Variants in PCDHGB5 observed in about 807,000 individuals in gnomAD.
PCDHGB5 encodes the protein protocadherin gamma-B5.
Under a neutral mutation model 62.9 loss-of-function variants are expected in PCDHGB5, and 48 were observed. The observed-to-expected ratio is 0.76, with a 90% confidence interval of 0.61 to 0.97. The LOEUF (loss-of-function observed/expected upper bound fraction) is 0.97, where lower values mean the gene tolerates loss of function less well. PCDHGB5 is among the 50% of genes least tolerant of loss of function. The pLI is 0.00. For synonymous variants in PCDHGB5, 474 were observed against 511.2 expected, an observed-to-expected ratio of 0.93 and a Z score of 0.98; for missense variants, 1,118 against 1,198.6, an observed-to-expected ratio of 0.93 and a Z score of 0.99.
At position 141,485,222 on chromosome 5, in the gene PCDHGB5, C is replaced by T; in HGVS notation, c.2398-9585C>T. On this transcript the variant is annotated intron_variant, in intron 1 of 3. Transcript: ENST00000617380. The surrounding 1 kb of genome is among the most constrained non-coding windows in gnomAD (Gnocchi z 5.7). The stretch of plus-strand genomic sequence containing the variant: ...GACAGAAATCTGGCGGTGGGCTACC[C>T]TTTTGTTCCTCTTTTACCACCTGGG... 4 of 1,614,196 alleles carry T rather than the reference C, an allele frequency of 2.5e-6. No homozygotes were observed. Among genetic ancestry groups the T allele is most frequent in the Non-Finnish European group, 2.5e-6 (3 of 1,180,020 alleles).
At chr5:141,416,530 G>A (rs976560428) in intron 1 of PCDHGB5, 2 of 152,160 alleles carry the variant, frequency 1.3e-5, no homozygotes, top group Non-Finnish European at 2.9e-5. Flanking sequence ...GCTCTTTAAT[G>A]TATAAGGAGG....
chr5:141,510,194 G>A (rs920127442), intron 3 of PCDHGB5, among the ~76,000 whole-genome samples: 1 of 151,462 alleles, frequency 6.6e-6, no homozygotes, highest in Non-Finnish European at 1.5e-5. Context: ...AATCACTTGA[G>A]CCCAGGAGGC....
intron 1 of PCDHGB5, chr5:141,430,556 C>A (rs1479639096): frequency 9.7e-6 from 4 of 413,394 alleles, no homozygotes; most frequent in African/African-American, 2.1e-5. Flanking sequence ...GTTCACCAAT[C>A]GGGGAGAGAA....
chr5:141,410,849 C>CTTTTTTTTCTTTTTT (rs2095433387), intron 1 of PCDHGB5: 1 of 129,786 alleles, frequency 7.7e-6, no homozygotes, highest in African/African-American at 6.0e-5. Context: ...TTGTCTTTGT[C>CTTTTTTTTCTTTTTT]TTTTTTTTTT....
intron 1 of PCDHGB5, among the ~76,000 whole-genome samples, chr5:141,461,968 C>A (rs2099027589): frequency 6.6e-6 from 1 of 152,204 alleles, no homozygotes; most frequent in African/African-American, 2.4e-5. Context: ...GGATTCCAGG[C>A]ATATGCCACC....
chr5:141,486,901 T>A lies in PCDHGB5; in HGVS notation c.2398-7906T>A. The A allele has an allele frequency of 6.2e-7, 1 of 1,614,238 alleles. No homozygotes were observed. Among genetic ancestry groups the A allele is most frequent in the Non-Finnish European group, 8.5e-7 (1 of 1,180,042 alleles). ...CTCGGGCCCGGCCTGGTTCCTTATG[T>A]CCCCAAGCACTGCCTCCATCAGTTG... On this transcript the variant is annotated intron_variant, in intron 1 of 3. Transcript: ENST00000617380. This position sits in a 1 kb window ranked among gnomAD's most constrained non-coding sequence, Gnocchi z 5.0.
intron 1 of PCDHGB5, chr5:141,422,633 G>A (rs769515606): frequency 1.9e-6 from 3 of 1,613,120 alleles, no homozygotes; most frequent in Non-Finnish European, 2.5e-6. Flanking sequence ...AACCCCAGGG[G>A]TGCCTCCATC....
intron 1 of PCDHGB5, chr5:141,426,867 G>A (rs1436078091): frequency 4.4e-6 from 2 of 456,708 alleles, no homozygotes; most frequent in Non-Finnish European, 8.8e-6. Flanking sequence ...ATTAGTGCTG[G>A]AGAAGCCCCT....
rs553860713 is a variant in PCDHGB5, at chr5:141,410,124, G to C, written c.2397+9600G>C. On this transcript the variant is annotated intron_variant, in intron 1 of 3. Coordinates refer to ENST00000617380, the MANE Select transcript of PCDHGB5 (RefSeq NM_018925.3). ...GGCGACAGGGACGCAGCCCGCCAGC[G>C]CCTGCTGGTCGCTGTGCGTGACGGT... is the stretch of plus-strand genomic sequence containing the variant. 1.2e-5 allele frequency: 20 copies of C among 1,612,726 alleles called. No homozygotes were observed. In the South Asian group the frequency reaches 2.2e-4, roughly 18 times the overall value.
chr5:141,403,302 A>G (rs1195717654), intron 1 of PCDHGB5: 1 of 1,613,904 alleles, frequency 6.2e-7, no homozygotes, highest in East Asian at 2.2e-5. Flanking sequence ...GTGAAACTGT[A>G]CGGAATAGAA....
chr5:141,419,465 G>T, intron 1 of PCDHGB5: 2 of 1,612,542 alleles, frequency 1.2e-6, no homozygotes, highest in Non-Finnish European at 1.7e-6. Context: ...GCAGGCCCGC[G>T]ACCAGGGCTC....
Position 141,410,674 on chromosome 5 carries a change from A to G in PCDHGB5, c.2397+10150A>G. 3.2e-6 allele frequency: 5 copies of G among 1,551,418 alleles called. No homozygotes were observed. In the South Asian group the frequency reaches 3.6e-5, roughly 11 times the overall value. On this transcript the variant is annotated intron_variant, in intron 1 of 3. Coordinates refer to ENST00000617380, the MANE Select transcript of PCDHGB5 (RefSeq NM_018925.3). ...ATCTAATAGTCTACTAGTTTCTCATATTTTAGGCATACTACTTTATTTTCA... is the reference window on the plus strand; with the variant it reads ...ATCTAATAGTCTACTAGTTTCTCATGTTTTAGGCATACTACTTTATTTTCA...
At chr5:141,467,344 C>A (rs2099142230) in intron 1 of PCDHGB5, among the ~76,000 whole-genome samples, 1 of 152,122 alleles carries the variant, frequency 6.6e-6, no homozygotes, top group South Asian at 2.1e-4. Flanking sequence ...TAAGCCACTG[C>A]CCCCGGCCAA....
At chr5:141,478,063 A>G in intron 1 of PCDHGB5, 1 of 1,614,168 alleles carries the variant, frequency 6.2e-7, no homozygotes, top group Non-Finnish European at 8.5e-7. Context: ...TCTTGATCAA[A>G]GACAATGGGG....
intron 1 of PCDHGB5, chr5:141,410,110 C>A (rs1361292941): frequency 6.2e-7 from 1 of 1,612,540 alleles, no homozygotes; most frequent in Admixed American, 1.7e-5. Flanking sequence ...GCGACAGGGA[C>A]GCAGCCCGCC....
chr5:141,428,320 T>C (rs2097132935), intron 1 of PCDHGB5: 2 of 650,176 alleles, frequency 3.1e-6, no homozygotes, highest in Admixed American at 2.2e-5. Context: ...GGCCTTGGCC[T>C]TGATTTCTAT....
At chr5:141,475,840 A>T in intron 1 of PCDHGB5, 1 of 434,888 alleles carries the variant, frequency 2.3e-6, no homozygotes, top group Non-Finnish European at 4.1e-6. Flanking sequence ...TGTCCTGCTC[A>T]GAGAGCCCGG....
intron 1 of PCDHGB5, among the ~76,000 whole-genome samples, chr5:141,460,418 G>C (rs905215023): frequency 3.3e-5 from 5 of 152,096 alleles, no homozygotes; most frequent in Admixed American, 6.5e-5. Flanking sequence ...TGATGTTTAT[G>C]TATGGTGTAT....
rs983317324 is a variant in PCDHGB5, at chr5:141,431,891, G to A, written c.2397+31367G>A. The stretch of plus-strand genomic sequence containing the variant: ...AAATGTAAATGACCAAGATTCTGAG[G>A]AAAACGGACAGGTGATCTGTTTCAT... On this transcript the variant is annotated intron_variant, in intron 1 of 3. Transcript: ENST00000617380. The surrounding 1 kb of genome is among the most constrained non-coding windows in gnomAD (Gnocchi z 4.8). 16 of 1,614,072 alleles carry A rather than the reference G, an allele frequency of 9.9e-6. No homozygotes were observed. The highest frequency in any genetic ancestry group is 2.7e-5 in the African/African-American group (2 of 74,934).
Sources: gnomAD v4.1 joint callset for allele counts (sites outside exome capture counted in the v4.1 genomes callset) on GRCh38, gnomAD v4.1.1 for gene constraint, Gnocchi (gnomAD v3.1) non-coding constraint, MANE v1.5 for transcripts, NCBI Gene and HGNC (gene_info 2026-07-23, HGNC 2026-07-21) for gene names.